Variants in DZIP3 observed in about 807,000 individuals in gnomAD.
DZIP3 encodes DAZ interacting zinc finger protein 3.
In DZIP3, 118 loss-of-function variants were observed where a neutral mutation model predicts 162.0. That is an observed-to-expected ratio of 0.73 (90% confidence interval 0.63 to 0.85). DZIP3 has a LOEUF of 0.85. Ranked by LOEUF, DZIP3 falls within the 40% of genes least tolerant of loss-of-function variation. DZIP3 has a pLI of 0.00. For synonymous variants in DZIP3, 438 were observed against 458.6 expected, an observed-to-expected ratio of 0.96 and a Z score of 0.57; for missense variants, 1,331 against 1,407.0, an observed-to-expected ratio of 0.95 and a Z score of 0.86.
intron 32 of DZIP3, among the ~76,000 whole-genome samples, chr3:108,691,873 T>A (rs1208221008): frequency 1.3e-5 from 2 of 152,300 alleles, no homozygotes; most frequent in South Asian, 2.1e-4. Context: ...AACCCATTTG[T>A]CTTTCCTAAA....
In DZIP3 at chr3:108,690,946, T is replaced by C. The variant is rs199596160; in HGVS notation, c.*6+43T>C. On this transcript the variant is annotated intron_variant, in intron 32 of 32. Transcript: ENST00000361582. ...AAGGAAGCTCAGTTTTCTTTTATTA[T>C]GAGCTGCTTGTTTGAGTGGTGTAAA... 2.5e-5 allele frequency: 38 copies of C among 1,538,388 alleles called. No individual in the cohort carries two copies. In the East Asian group the frequency reaches 7.9e-4, roughly 32 times the overall value.
intron 1 of DZIP3, chr3:108,590,118 T>C (rs1460672960): frequency 6.6e-6 from 1 of 152,222 alleles, no homozygotes; most frequent in Non-Finnish European, 1.5e-5. Flanking sequence ...TGTCTGTTTC[T>C]CTCTGGCATG....
intron 32 of DZIP3, among the ~76,000 whole-genome samples, chr3:108,692,344 C>G (rs1944730138): frequency 6.6e-6 from 1 of 152,104 alleles, no homozygotes; most frequent in African/African-American, 2.4e-5. Context: ...CTACAGCTTC[C>G]CATGGGCTAA....
chr3:108,593,676 C>A (rs1026889257), intron 1 of DZIP3, among the ~76,000 whole-genome samples: 1 of 121,038 alleles, frequency 8.3e-6, no homozygotes. Flanking sequence ...GAATTTCTTT[C>A]TTTTTTTTTT....
intron 27 of DZIP3, 148 bp downstream of exon 27, chr3:108,684,489 C>T: frequency 9.8e-7 from 1 of 1,016,400 alleles, no homozygotes; most frequent in Non-Finnish European, 1.4e-6. Flanking sequence ...TCCTGTGAAG[C>T]ACTGTGCTCA....
At chr3:108,646,914 G>A (rs1453345016) in intron 15 of DZIP3, among the ~76,000 whole-genome samples, 2 of 152,142 alleles carry the variant, frequency 1.3e-5, no homozygotes, top group Non-Finnish European at 1.5e-5. Flanking sequence ...GGTGGCGGGT[G>A]CCTGTAGTCC....
At chr3:108,617,750 G>C (rs1941097328) in intron 5 of DZIP3, among the ~76,000 whole-genome samples, 1 of 152,182 alleles carries the variant, frequency 6.6e-6, no homozygotes, top group Non-Finnish European at 1.5e-5. Context: ...GAAAATGGGG[G>C]ATTTGCATCT....
chr3:108,603,701 A>C (rs1024791824), intron 1 of DZIP3, among the ~76,000 whole-genome samples: 17 of 152,202 alleles, frequency 1.1e-4, no homozygotes, highest in Non-Finnish European at 2.4e-4. Context: ...TTGTGTTTTA[A>C]GATATCAGTA....
intron 19 of DZIP3, among the ~76,000 whole-genome samples, chr3:108,655,310 A>G (rs771171144): frequency 1.3e-5 from 2 of 152,208 alleles, no homozygotes; most frequent in African/African-American, 2.4e-5. Flanking sequence ...TTAAACTCAG[A>G]TGATACAGTG....
At chr3:108,635,374 T>C in intron 10 of DZIP3, 1 of 316,364 alleles carries the variant, frequency 3.2e-6, no homozygotes, top group South Asian at 3.3e-5. Context: ...TTTTAAGGAT[T>C]TCCATTTTAG....
intron 21 of DZIP3, among the ~76,000 whole-genome samples, chr3:108,663,084 TA>T (rs543207328): frequency 2.6e-5 from 4 of 152,328 alleles, no homozygotes; most frequent in African/African-American, 9.6e-5. Context: ...TCATATATTG[TA>T]TCTACTACAT....
chr3:108,653,336 AT>A (rs1462031970), intron 18 of DZIP3, among the ~76,000 whole-genome samples: 1 of 151,564 alleles, frequency 6.6e-6, no homozygotes, highest in East Asian at 1.9e-4. Flanking sequence ...CACTAGTTAA[AT>A]AGAGTCATAT....
intron 21 of DZIP3, among the ~76,000 whole-genome samples, chr3:108,668,405 A>G (rs1943770666): frequency 6.6e-6 from 1 of 152,060 alleles, no homozygotes; most frequent in Non-Finnish European, 1.5e-5. Flanking sequence ...GCTGACTCTT[A>G]TCTGAGCTGG....
At chr3:108,657,957 G>A (rs1259401216) in intron 19 of DZIP3, among the ~76,000 whole-genome samples, 2 of 152,160 alleles carry the variant, frequency 1.3e-5, no homozygotes, top group African/African-American at 4.8e-5. Context: ...AAATATATAT[G>A]CACCCAATAT....
chr3:108,642,998 A>G (rs1479759668), intron 13 of DZIP3, among the ~76,000 whole-genome samples: 1 of 152,210 alleles, frequency 6.6e-6, no homozygotes, highest in African/African-American at 2.4e-5. Flanking sequence ...CCCTGGGCCC[A>G]TAGAAGAATA....
intron 29 of DZIP3, 100 bp downstream of exon 29, chr3:108,688,196 A>G: frequency 7.2e-7 from 1 of 1,382,524 alleles, no homozygotes; most frequent in Non-Finnish European, 9.9e-7. Context: ...AAAATCAGTA[A>G]CTTGTAATCA....
intron 6 of DZIP3, among the ~76,000 whole-genome samples, chr3:108,625,199 A>T (rs1470913): frequency 0.011 from 1,691 of 152,216 alleles, 8 homozygotes; most frequent in Non-Finnish European, 0.017. Flanking sequence ...TTTTTCACTG[A>T]AGCATCTATT....
chr3:108,601,473 A>G (rs906458524), intron 1 of DZIP3, among the ~76,000 whole-genome samples: 1 of 152,134 alleles, frequency 6.6e-6, no homozygotes, highest in African/African-American at 2.4e-5. Flanking sequence ...AAAAAGACAA[A>G]ATATATTACT....
intron 26 of DZIP3, among the ~76,000 whole-genome samples, chr3:108,682,976 A>G (rs969098402): frequency 6.6e-5 from 10 of 150,852 alleles, no homozygotes; most frequent in Non-Finnish European, 1.5e-4. Flanking sequence ...CCATTCATTC[A>G]TTTTTTTAAG....
Sources: allele counts gnomAD v4.1 joint callset (sites outside exome capture counted in the v4.1 genomes callset), GRCh38; gene constraint gnomAD v4.1.1; transcripts MANE v1.5; gene names NCBI Gene and HGNC (gene_info 2026-07-23, HGNC 2026-07-21).